Variants in ITPR1 observed in about 807,000 individuals in gnomAD.
The protein encoded by ITPR1 is inositol 1,4,5-trisphosphate-gated calcium channel ITPR1.
In ITPR1, 96 loss-of-function variants were observed where a neutral mutation model predicts 318.4. The observed-to-expected ratio is 0.30, with a 90% CI of 0.26 to 0.36. The LOEUF is 0.36. ITPR1 is among the 10% of genes least tolerant of loss of function. The probability of loss-of-function intolerance (pLI) is 1.00; values close to 1 mark genes in which losing one functional copy is unlikely to be tolerated. For synonymous variants in ITPR1, 1,312 were observed against 1,289.9 expected, an observed-to-expected ratio of 1.02 and a Z score of -0.37; for missense variants, 2,440 against 3,460.2, an observed-to-expected ratio of 0.71 and a Z score of 7.40.
intron 10 of ITPR1, 81 bp downstream of exon 10, chr3:4,645,809 A>G (rs763225351): frequency 1.5e-6 from 2 of 1,309,202 alleles, no homozygotes; most frequent in Non-Finnish European, 2.1e-6. Flanking sequence ...CTATCCTACA[A>G]ATATTCATAC....
chr3:4,825,621 G>T (rs2050021905), intron 60 of ITPR1: 1 of 423,592 alleles, frequency 2.4e-6, no homozygotes, highest in Admixed American at 2.7e-5. Flanking sequence ...ATCTGTATTT[G>T]ATAAGATGAC....
At chr3:4,647,157 T>C (rs2093477086) in intron 10 of ITPR1, among the ~76,000 whole-genome samples, 1 of 152,194 alleles carries the variant, frequency 6.6e-6, no homozygotes, top group African/African-American at 2.4e-5. Flanking sequence ...ATACAGTCTT[T>C]ATGTTCTGTT....
intron 4 of ITPR1, among the ~76,000 whole-genome samples, chr3:4,608,540 G>A (rs1056409902): frequency 3.3e-5 from 5 of 152,216 alleles, no homozygotes. Context: ...CTCATTTGGG[G>A]CTGATTTTAG....
chr3:4,590,719 C>A (rs906401311), intron 4 of ITPR1, among the ~76,000 whole-genome samples: 1 of 151,538 alleles, frequency 6.6e-6, no homozygotes, highest in East Asian at 1.9e-4. Flanking sequence ...GTTTTTGTGT[C>A]TTTTTTTTAA....
chr3:4,738,052 G>A (rs2043404224), intron 44 of ITPR1, among the ~76,000 whole-genome samples: 1 of 152,160 alleles, frequency 6.6e-6, no homozygotes, highest in South Asian at 2.1e-4. Context: ...CGCCCACTGG[G>A]GCTTTTCGGA....
intron 4 of ITPR1, among the ~76,000 whole-genome samples, chr3:4,522,053 G>A (rs1273767563): frequency 6.6e-6 from 1 of 151,998 alleles, no homozygotes; most frequent in Non-Finnish European, 1.5e-5. Flanking sequence ...TTTCTTTTTT[G>A]TTGTTGTGGT....
At chr3:4,726,020 A>G (rs1384812208) in intron 41 of ITPR1, among the ~76,000 whole-genome samples, 1 of 152,164 alleles carries the variant, frequency 6.6e-6, no homozygotes, top group Admixed American at 6.5e-5. Context: ...TAATTTTGCA[A>G]TGCACTTTTA....
intron 4 of ITPR1, among the ~76,000 whole-genome samples, chr3:4,600,717 A>G (rs552699543): frequency 8.5e-5 from 13 of 152,248 alleles, no homozygotes; most frequent in African/African-American, 3.1e-4. Flanking sequence ...GATGGTAGAC[A>G]TATTCCTTGG....
chr3:4,831,127 T>TCACA lies in ITPR1; in HGVS notation c.8029-5646_8029-5645insACAC, dbSNP rs879186803. On this transcript the variant is annotated intron_variant, in intron 60 of 61. Transcript: ENST00000649015. Reference sequence around the variant, plus strand: ...CTTTGTCTCTCTCTCTCTCTCTCTCTCTCTCACACACACACACACACACAC... The same window carrying TCACA: ...CTTTGTCTCTCTCTCTCTCTCTCTCTCACACTCTCACACACACACACACACACAC... 3.6e-4 allele frequency: 120 copies of TCACA among 336,650 alleles called. 1 individual carries two copies. Among genetic ancestry groups the TCACA allele is most frequent in the African/African-American group, 8.6e-4 (30 of 34,824 alleles). 20.9% of individuals were successfully genotyped at this position (336,650 alleles called of 1,614,324 possible). A position where few individuals can be genotyped will look rare whatever the true frequency, so the allele number is the denominator to read the frequency against.
chr3:4,604,796 T>C (rs1281604365), intron 4 of ITPR1, among the ~76,000 whole-genome samples: 1 of 151,926 alleles, frequency 6.6e-6, no homozygotes, highest in Non-Finnish European at 1.5e-5. Context: ...GAGAGGCCTC[T>C]AGCAATGGCA....
In ITPR1 at chr3:4,564,669, G is replaced by A. The variant is rs529518582; in HGVS notation, c.163+43575G>A. 3.7e-4 allele frequency among the ~76,000 whole-genome samples: 57 copies of A among 152,254 alleles called. No homozygotes were observed. In the South Asian group the frequency reaches 0.012, roughly 31 times the overall value. ...AAGAAGGTGCCATCTGTGAACTAGG[G>A]CCCTCACCTGACTCTGAACCTGCTG... is the stretch of plus-strand genomic sequence containing the variant. On this transcript the variant is annotated intron_variant, in intron 4 of 61. Coordinates refer to ENST00000649015, the MANE Select transcript of ITPR1 (RefSeq NM_001378452.1).
intron 36 of ITPR1, among the ~76,000 whole-genome samples, chr3:4,703,515 G>A (rs79375750): frequency 6.6e-6 from 1 of 152,120 alleles, no homozygotes; most frequent in African/African-American, 2.4e-5. Flanking sequence ...CAGACTCCAT[G>A]ACTTGACCCA....
chr3:4,685,682 G>C (rs2094381229), intron 30 of ITPR1, among the ~76,000 whole-genome samples: 1 of 152,148 alleles, frequency 6.6e-6, no homozygotes, highest in East Asian at 1.9e-4. Flanking sequence ...CTTTGATCTA[G>C]GTCTTCTTTT....
intron 32 of ITPR1, among the ~76,000 whole-genome samples, chr3:4,691,560 G>A (rs778469522): frequency 2.0e-5 from 3 of 152,178 alleles, no homozygotes; most frequent in Non-Finnish European, 4.4e-5. Context: ...ACCAATTTAA[G>A]GAAGGATGGC....
chr3:4,791,559 A>G (rs999832104), intron 52 of ITPR1, among the ~76,000 whole-genome samples: 2 of 152,226 alleles, frequency 1.3e-5, no homozygotes, highest in African/African-American at 4.8e-5. Flanking sequence ...TGCCCAGTTC[A>G]TAACAGGCTA....
chr3:4,651,367 T>C (rs1176278771), intron 10 of ITPR1, among the ~76,000 whole-genome samples: 8 of 152,302 alleles, frequency 5.3e-5, no homozygotes, highest in African/African-American at 1.9e-4. Flanking sequence ...CCCTAAACTT[T>C]GATCTGTCTC....
chr3:4,631,416 A>G (rs1434169047), intron 5 of ITPR1, among the ~76,000 whole-genome samples: 1 of 152,158 alleles, frequency 6.6e-6, no homozygotes, highest in Non-Finnish European at 1.5e-5. Flanking sequence ...GTATGTTACT[A>G]TTCCCCATTT....
At chr3:4,569,225 T>C (rs1267725386) in intron 4 of ITPR1, among the ~76,000 whole-genome samples, 1 of 152,238 alleles carries the variant, frequency 6.6e-6, no homozygotes, top group East Asian at 1.9e-4. Context: ...AGCTGGAAAG[T>C]GACATCATTA....
intron 60 of ITPR1, among the ~76,000 whole-genome samples, chr3:4,824,224 G>A (rs1042120689): frequency 6.6e-6 from 1 of 152,134 alleles, no homozygotes; most frequent in Non-Finnish European, 1.5e-5. Flanking sequence ...GCTTTACCTC[G>A]GGAAGGGCAG....
Sources: gnomAD v4.1 joint callset for allele counts (sites outside exome capture counted in the v4.1 genomes callset) on GRCh38, gnomAD v4.1.1 for gene constraint, MANE v1.5 for transcripts, NCBI Gene and HGNC (gene_info 2026-07-23, HGNC 2026-07-21) for gene names.